The following COL6A6 variants were observed in gnomAD, a reference collection of about 807,000 sequenced individuals.
COL6A6 encodes collagen type VI alpha 6 chain, also known as collagen alpha-6(VI) chain.
COL6A6 carries 183 observed loss-of-function variants against 208.6 expected under a neutral mutation model. That is an observed-to-expected ratio of 0.88 (90% CI 0.78 to 0.99). The LOEUF is 0.99. Ranked by LOEUF, COL6A6 falls within the 50% of genes least tolerant of loss-of-function variation. The pLI, the probability that COL6A6 is intolerant of heterozygous loss-of-function variation, is 0.00. For synonymous variants in COL6A6, 973 were observed against 1,011.8 expected (o/e 0.96, Z 0.73); for missense variants, 2,816 against 2,815.2 (o/e 1.00, Z -0.01).
At chr3:130,531,955 AG>A (rs982485040) in intron 1 of COL6A6, among the ~76,000 whole-genome samples, 5 of 152,218 alleles carry the variant, frequency 3.3e-5, no homozygotes, top group African/African-American at 1.2e-4. Context: ...GAGATAGCAC[AG>A]GGGAAGAGGT....
chr3:130,649,125 C>A lies in COL6A6; in HGVS notation c.5296C>A (p.Arg1766=). 1 of 1,581,134 alleles carries A rather than the reference C, an allele frequency of 6.3e-7. No homozygotes were observed. The highest frequency in any genetic ancestry group is 2.3e-5 in the East Asian group (1 of 43,260). ...GTTGGTGTTTGCCCTGGACCACTCC[C>A]GGGATGTCACTGAGCAGGAATTTGA... ...TELVFALDHS[R]DVTEQEFERM... The change falls in exon 33 of 37, where the codon CGG becomes AGG. Residue 1766 remains arginine (R), a synonymous_variant. Coordinates refer to ENST00000358511, the MANE Select transcript of COL6A6 (RefSeq NM_001102608.3).
chr3:130,649,081 G>A lies in COL6A6; in HGVS notation c.5252G>A (p.Cys1751Tyr). 1 of 1,564,462 alleles carries A rather than the reference G, an allele frequency of 6.4e-7. No homozygotes were observed. The highest frequency in any genetic ancestry group is 8.7e-7 in the Non-Finnish European group (1 of 1,153,908). ...RSPGRHGKPE[C>Y]PVHPTELVFA... ...TATGGTCTTTTAGGAAAACCGGAAT[G>A]CCCAGTGCACCCAACCGAGTTGGTG... Residue 1751 changes from cysteine (C) to tyrosine (Y), a missense_variant, in exon 33 of 37, where the codon TGC (cysteine) becomes TAC (tyrosine). Physicochemically the swap from Cys to Tyr is radical, Grantham distance 194. Coordinates refer to ENST00000358511, the MANE Select transcript of COL6A6 (RefSeq NM_001102608.3).
chr3:130,541,831 T>G (rs918901804), intron 1 of COL6A6, among the ~76,000 whole-genome samples: 3 of 152,232 alleles, frequency 2.0e-5, no homozygotes, highest in Admixed American at 6.5e-5. Flanking sequence ...AGTTTATTAT[T>G]TATTTACTTA....
At chr3:130,603,324 G>A (rs1477711609) in intron 20 of COL6A6, among the ~76,000 whole-genome samples, 1 of 152,214 alleles carries the variant, frequency 6.6e-6, no homozygotes, top group Non-Finnish European at 1.5e-5. Flanking sequence ...AATGAAAAAT[G>A]TCTCCAGATA....
chr3:130,533,064 A>C (rs2062139021), intron 1 of COL6A6, among the ~76,000 whole-genome samples: 2 of 152,028 alleles, frequency 1.3e-5, no homozygotes, highest in East Asian at 3.9e-4. Flanking sequence ...TGAGTCCATC[A>C]CTTCTGCCAC....
intron 20 of COL6A6, among the ~76,000 whole-genome samples, chr3:130,606,672 C>A (rs979474777): frequency 6.6e-6 from 1 of 152,164 alleles, no homozygotes; most frequent in Non-Finnish European, 1.5e-5. Flanking sequence ...AGTCTGTTCT[C>A]ATAAGTATCT....
At chr3:130,567,484 T>C (rs998801682) in intron 5 of COL6A6, among the ~76,000 whole-genome samples, 3 of 152,234 alleles carry the variant, frequency 2.0e-5, no homozygotes, top group Non-Finnish European at 4.4e-5. Context: ...CCCTAATAAG[T>C]ATTAATCAGC....
intron 1 of COL6A6, among the ~76,000 whole-genome samples, chr3:130,531,046 A>T (rs1326551464): frequency 0.011 from 882 of 80,004 alleles, 14 homozygotes; most frequent in African/African-American, 0.041. Context: ...ACAGACACAC[A>T]CACACACACA....
intron 36 of COL6A6, among the ~76,000 whole-genome samples, chr3:130,672,699 C>T (rs545291728): frequency 2.3e-4 from 35 of 151,630 alleles, no homozygotes; most frequent in South Asian, 4.2e-4. Flanking sequence ...CCACCGCGCC[C>T]GGCCCAAATG....
At chr3:130,564,411 G>A (rs942254542) in intron 3 of COL6A6, among the ~76,000 whole-genome samples, 6 of 152,186 alleles carry the variant, frequency 3.9e-5, no homozygotes, top group Admixed American at 6.5e-5. Context: ...TGTGTTCAAA[G>A]TGTACATGTC....
intron 1 of COL6A6, among the ~76,000 whole-genome samples, chr3:130,546,819 C>A (rs563702789): frequency 6.6e-6 from 1 of 152,320 alleles, no homozygotes; most frequent in South Asian, 2.1e-4. Flanking sequence ...GGTGTATTTA[C>A]AATCCTTTAG....
rs1202254355 is a variant in COL6A6, at chr3:130,574,369, G to C, written c.3391G>C (p.Asp1131His). 1 of 1,613,886 alleles carries C rather than the reference G, an allele frequency of 6.2e-7. No individual in the cohort carries two copies. The highest frequency in any genetic ancestry group is 1.3e-5 in the African/African-American group (1 of 74,924). The change falls in exon 8 of 37, where the codon GAC becomes CAC. Residue 1131 changes from aspartate to histidine, a missense_variant. By Grantham distance (81) the Asp-to-His change is moderately conservative (BLOSUM62 -1). Transcript: ENST00000358511. Reference sequence around the variant, plus strand: ...GGAAGCCCTGAGACACAGAGGTATCGACATCTACTCCGTGGGCATTGGGGA... The same window carrying C: ...GGAAGCCCTGAGACACAGAGGTATCCACATCTACTCCGTGGGCATTGGGGA... ...AAEALRHRGI[D>H]IYSVGIGDVD...
intron 1 of COL6A6, among the ~76,000 whole-genome samples, chr3:130,552,048 G>A (rs1006791450): frequency 2.0e-5 from 3 of 151,774 alleles, no homozygotes; most frequent in African/African-American, 7.3e-5. Flanking sequence ...TTTTTAATTT[G>A]AGGATTATTT....
Position 130,563,504 on chromosome 3 carries a change from GA to G in COL6A6, c.504del (p.Ala169LeufsTer6). 6.2e-7 allele frequency: 1 copy of G among 1,614,030 alleles called. No homozygotes were observed. The highest frequency in any genetic ancestry group is 2.2e-5 in the East Asian group (1 of 44,884). On this transcript the variant is annotated frameshift_variant, in exon 3 of 37. Transcript: ENST00000358511. LOFTEE classifies it high-confidence loss of function. ...TGAAAATCATCTCTGTAGGGGTGCA[GA>G]AAGCTTCTGAGGAAAACCTGAAGGC... ...GVKIISVGVQ[K>X]ASEENLKAMA... is the part of the protein sequence containing the mutation.
rs758601506 is a variant in COL6A6 at position 130,665,142 on chromosome 3, CT to C, written c.6596+49del. On this transcript the variant is annotated intron_variant, in intron 36 of 36. Coordinates refer to ENST00000358511, the MANE Select transcript of COL6A6 (RefSeq NM_001102608.3). The stretch of plus-strand genomic sequence containing the variant: ...CTTGATAAATGAGAATGCCCCCTGC[CT>C]TTCTTCTATTTTCCTCCTCCTCCTT... The C allele has an allele frequency of 2.3e-6, 3 of 1,313,040 alleles. No homozygotes were observed. In the East Asian group the frequency reaches 7.5e-5, roughly 33 times the overall value. The allele number at this position is 1,313,040 out of a possible 1,614,324, so 81.3% of individuals were successfully genotyped here.
intron 10 of COL6A6, among the ~76,000 whole-genome samples, chr3:130,582,791 C>T (rs1182899752): frequency 6.6e-6 from 1 of 152,174 alleles, no homozygotes; most frequent in Non-Finnish European, 1.5e-5. Context: ...ACAGCTTACT[C>T]CTTCTCTGAA....
chr3:130,563,570 C>G lies in COL6A6; in HGVS notation c.567C>G (p.Val189=), dbSNP rs745592388. ...AGTTTCATTTCAACCTTCGGACAGT[C>G]AGAGACCTCAGCATGTTTTCCCAAA... ...TSQFHFNLRT[V]RDLSMFSQNM... The change falls in exon 3 of 37, where the codon GTC becomes GTG. Residue 189 remains valine (V), a synonymous_variant. Coordinates refer to ENST00000358511, the MANE Select transcript of COL6A6 (RefSeq NM_001102608.3). The G allele has an allele frequency of 3.7e-6, 6 of 1,614,020 alleles. No individual in the cohort carries two copies. Among genetic ancestry groups the G allele is most frequent in the Non-Finnish European group, 5.1e-6 (6 of 1,179,890 alleles).
intron 24 of COL6A6, 48 bp downstream of exon 24, chr3:130,621,931 G>A: frequency 6.7e-6 from 10 of 1,484,664 alleles, no homozygotes; most frequent in Non-Finnish European, 9.4e-6. Flanking sequence ...TTCTGCTCAA[G>A]AGAACTGTGT....
At chr3:130,578,379 CAG>C (rs1194984169) in intron 8 of COL6A6, among the ~76,000 whole-genome samples, 1 of 152,134 alleles carries the variant, frequency 6.6e-6, no homozygotes, top group Non-Finnish European at 1.5e-5. Flanking sequence ...CTCCAGAAAA[CAG>C]AGCCTGAAGC....
Sources: gnomAD v4.1 joint callset for allele counts (sites outside exome capture counted in the v4.1 genomes callset) on GRCh38, gnomAD v4.1.1 for gene constraint, MANE v1.5 for transcripts, NCBI Gene and HGNC (gene_info 2026-07-23, HGNC 2026-07-21) for gene names.